The following PEBP4 variants were observed in gnomAD, a reference collection of about 807,000 sequenced individuals.
PEBP4 encodes the protein phosphatidylethanolamine-binding protein 4.
Under a neutral mutation model 23.9 loss-of-function variants are expected in PEBP4, and 22 were observed. The ratio of observed to expected loss-of-function variants is 0.92; its 90% CI spans 0.66 to 1.31. PEBP4 has a LOEUF of 1.31. Among genes scored for constraint, PEBP4 ranks in the 40% most tolerant of loss-of-function variants. PEBP4 has a pLI of 0.00. For synonymous variants in PEBP4, 112 were observed against 99.3 expected, an observed-to-expected ratio of 1.13 and a Z score of -0.76; for missense variants, 324 against 281.7, an observed-to-expected ratio of 1.15 and a Z score of -1.07.
chr8:22,817,533 G>A (rs1806768738), intron 4 of PEBP4, 104 bp downstream of exon 4: 4 of 1,075,522 alleles, frequency 3.7e-6, no homozygotes, highest in Non-Finnish European at 5.6e-6. Flanking sequence ...GGACACAGAA[G>A]TCCTCGCTCC....
rs149547796 is a variant in PEBP4 at position 22,764,444 on chromosome 8, C to T, written c.358-37224G>A. On this transcript the variant is annotated intron_variant, in intron 4 of 6. Coordinates refer to ENST00000256404, the MANE Select transcript of PEBP4 (RefSeq NM_144962.3). ...CAGGGTGCACTAAGTTAGCTGGCAG[C>T]CTCACTGTGCACCGCGTATGCCAGC... 3.1e-3 allele frequency among the ~76,000 whole-genome samples: 473 copies of T among 152,266 alleles called. 5 individuals carry two copies. The highest frequency in any genetic ancestry group is 0.011 in the African/African-American group (452 of 41,532).
At chr8:22,734,146 G>A (rs1326617467) in intron 4 of PEBP4, among the ~76,000 whole-genome samples, 1 of 152,306 alleles carries the variant, frequency 6.6e-6, no homozygotes, top group Non-Finnish European at 1.5e-5. Context: ...CTGTGTATTC[G>A]GCAATTAACA....
intron 4 of PEBP4, among the ~76,000 whole-genome samples, chr8:22,746,286 GA>G (rs1193724467): frequency 1.3e-5 from 2 of 152,172 alleles, no homozygotes; most frequent in East Asian, 3.9e-4. Flanking sequence ...GGGTTAGAGA[GA>G]GCTCTGGGTA....
intron 4 of PEBP4, among the ~76,000 whole-genome samples, chr8:22,781,623 G>T (rs1238048532): frequency 6.6e-6 from 1 of 152,000 alleles, no homozygotes. Context: ...CTGTACCCAG[G>T]CCTCCCACAC....
chr8:22,925,388 A>G (rs1809305085), intron 2 of PEBP4: 1 of 922,798 alleles, frequency 1.1e-6, no homozygotes. Context: ...GTGTGGAGTC[A>G]GACAAGGGGG....
intron 4 of PEBP4, among the ~76,000 whole-genome samples, chr8:22,743,057 TGGGGA>T (rs1405603244): frequency 6.6e-6 from 1 of 152,190 alleles, no homozygotes; most frequent in African/African-American, 2.4e-5. Flanking sequence ...GGCTGTGTGC[TGGGGA>T]GCCAATGCTC....
intron 4 of PEBP4, among the ~76,000 whole-genome samples, chr8:22,730,352 GCAACATAGCAAAACCTCGTCTCTA>G (rs1230268881): frequency 6.6e-6 from 1 of 152,136 alleles, no homozygotes; most frequent in Non-Finnish European, 1.5e-5. Context: ...AACAGTTTAG[GCAACATAGCAAAACCTCGTCTCTA>G]CAAAAAATGC....
In PEBP4 at chr8:22,716,988, A is replaced by G. The variant is rs180797385; in HGVS notation, c.518-3452T>C. ...GGTCCTTCAAAGGGTGGCCTTGGCC[A>G]GCAGTAGAACTTTGTAGTCTGGGTC... On this transcript the variant is annotated intron_variant, in intron 6 of 6. Coordinates refer to ENST00000256404, the MANE Select transcript of PEBP4 (RefSeq NM_144962.3). Among the ~76,000 whole-genome samples, 3 of 152,372 alleles carry G rather than the reference A, an allele frequency of 2.0e-5. No individual in the cohort carries two copies. The East Asian group carries it at 5.8e-4, about 29-fold the overall frequency.
At chr8:22,782,929 A>C (rs1355650084) in intron 4 of PEBP4, among the ~76,000 whole-genome samples, 1 of 152,204 alleles carries the variant, frequency 6.6e-6, no homozygotes, top group Non-Finnish European at 1.5e-5. Flanking sequence ...CACAGGGAAG[A>C]CGACTAGCTC....
rs1233196585 is a variant in PEBP4, at chr8:22,713,450, C to A, written c.604G>T (p.Asp202Tyr). Residue 202 changes from aspartate to tyrosine, a missense_variant, in exon 7 of 7, where the codon GAC becomes TAC. Physicochemically the swap from Asp to Tyr is radical, Grantham distance 160. Coordinates refer to ENST00000256404, the MANE Select transcript of PEBP4 (RefSeq NM_144962.3). ...CTGGGAGCCTGGAGGGTTGGTGAGT[C>A]CTGGTAGTTCTGGGTCATGAACTGG... ...STQFMTQNYQDSPTLQAPRER... is the reference protein window; with the variant it reads ...STQFMTQNYQYSPTLQAPRER... 9.9e-6 allele frequency: 16 copies of A among 1,613,932 alleles called. No homozygotes were observed. Among genetic ancestry groups the A allele is most frequent in the Non-Finnish European group, 1.4e-5 (16 of 1,179,976 alleles).
At chr8:22,826,112 A>C (rs915131998) in intron 3 of PEBP4, among the ~76,000 whole-genome samples, 3 of 152,230 alleles carry the variant, frequency 2.0e-5, no homozygotes, top group Non-Finnish European at 4.4e-5. Flanking sequence ...AGCTTGGTGT[A>C]CAATACCGTG....
At chr8:22,752,070 T>A (rs4872549) in intron 4 of PEBP4, among the ~76,000 whole-genome samples, 46,484 of 151,876 alleles carry the variant, frequency 0.31, 7,545 homozygotes, top group East Asian at 0.62. Context: ...CTAATTTTTT[T>A]AAAAAGTTTT....
At chr8:22,936,208 CT>C (rs1381272657) in intron 1 of PEBP4, among the ~76,000 whole-genome samples, 2 of 150,734 alleles carry the variant, frequency 1.3e-5, no homozygotes, top group East Asian at 3.9e-4. Context: ...ACTCAAATTA[CT>C]AAAATAAGAA....
chr8:22,822,491 G>T (rs11992944), intron 3 of PEBP4, among the ~76,000 whole-genome samples: 1,990 of 152,006 alleles, frequency 0.013, 46 homozygotes, highest in East Asian at 0.069. Flanking sequence ...AAGAAGAAAT[G>T]AAGAAATAAA....
intron 4 of PEBP4, among the ~76,000 whole-genome samples, chr8:22,751,862 C>T (rs1805274681): frequency 6.6e-6 from 1 of 152,132 alleles, no homozygotes; most frequent in Non-Finnish European, 1.5e-5. Context: ...ACCCACTCTT[C>T]TCATCACCAG....
chr8:22,762,071 TGTTA>T (rs1805520212), intron 4 of PEBP4, among the ~76,000 whole-genome samples: 1 of 150,944 alleles, frequency 6.6e-6, no homozygotes, highest in Admixed American at 6.6e-5. Context: ...TTAACCCCTA[TGTTA>T]GTTTGCTTAT....
upstream of PEBP4, among the ~76,000 whole-genome samples, chr8:22,928,343 G>C (rs1278890274): frequency 1.3e-5 from 2 of 150,790 alleles, no homozygotes; most frequent in East Asian, 3.9e-4. Context: ...CCAGACCGAG[G>C]CCAGCTCCGA....
chr8:22,909,658 C>T (rs1808894286), intron 3 of PEBP4, among the ~76,000 whole-genome samples: 1 of 152,142 alleles, frequency 6.6e-6, no homozygotes, highest in Non-Finnish European at 1.5e-5. Flanking sequence ...CTCCACCCAC[C>T]AGAAGCAGTA....
chr8:22,736,781 G>A (rs1467483331), intron 4 of PEBP4, among the ~76,000 whole-genome samples: 1 of 152,182 alleles, frequency 6.6e-6, no homozygotes, highest in African/African-American at 2.4e-5. Flanking sequence ...TCATTTATCT[G>A]AAGTCATATA....
Sources: allele counts gnomAD v4.1 joint callset (sites outside exome capture counted in the v4.1 genomes callset), GRCh38; gene constraint gnomAD v4.1.1; transcripts MANE v1.5; gene names NCBI Gene and HGNC (gene_info 2026-07-23, HGNC 2026-07-21).